The following ZFAND4 variants were observed in gnomAD, a reference collection of about 807,000 sequenced individuals.
The protein encoded by ZFAND4 is AN1-type zinc finger protein 4.
Under a neutral mutation model 64.4 loss-of-function variants are expected in ZFAND4, and 43 were observed. That is an observed-to-expected ratio of 0.67 (90% CI 0.52 to 0.86). The LOEUF (loss-of-function observed/expected upper bound fraction) is 0.86. ZFAND4 is among the 40% of genes least tolerant of loss of function. ZFAND4 has a pLI of 0.00. For synonymous variants in ZFAND4, 296 were observed against 305.7 expected (o/e 0.97, Z 0.33); for missense variants, 929 against 859.8 (o/e 1.08, Z -1.01).
chr10:45,617,346 T>G (rs898160679), intron 9 of ZFAND4, among the ~76,000 whole-genome samples: 1 of 151,996 alleles, frequency 6.6e-6, no homozygotes, highest in African/African-American at 2.4e-5. Context: ...GGGATTGGGA[T>G]GGGTGTGGTG....
rs534725322 is a variant in ZFAND4 at position 45,616,189 on chromosome 10, C to T, written c.*247G>A. The T allele has an allele frequency of 4.1e-5, 19 of 464,010 alleles. 1 individual carries two copies. The highest frequency in any genetic ancestry group is 7.2e-5 in the Non-Finnish European group (19 of 263,276). 28.7% of individuals were successfully genotyped at this position (464,010 alleles called of 1,614,324 possible). ...AATATCATATACAAAACACTTAACA[C>T]AAGACATGCAATAACAAAGCTAAAT... On this transcript the variant is annotated 3_prime_UTR_variant, in exon 10 of 10. Coordinates refer to ENST00000344646, the MANE Select transcript of ZFAND4 (RefSeq NM_174890.4).
chr10:45,624,941 G>A (rs1049699867), intron 7 of ZFAND4, among the ~76,000 whole-genome samples: 5 of 152,082 alleles, frequency 3.3e-5, no homozygotes, highest in East Asian at 1.9e-4. Context: ...TGGCTGCAGC[G>A]AGCTGTGATT....
Position 45,652,020 on chromosome 10 carries a change from A to G in ZFAND4, c.274T>C (p.Cys92Arg), listed in dbSNP as rs1271910115. 1 of 1,613,710 alleles carries G rather than the reference A, an allele frequency of 6.2e-7. No homozygotes were observed. The highest frequency in any genetic ancestry group is 1.3e-5 in the African/African-American group (1 of 74,916). Residue 92 changes from cysteine to arginine, a missense_variant, in exon 4 of 10, where the codon TGT (cysteine) becomes CGT (arginine). By Grantham distance (180) the Cys-to-Arg change is radical (BLOSUM62 -3). Transcript: ENST00000344646. ...CLNDYNISEG[C>R]TLKLVLAMRG... ...ATAGCCAAAACTAGCTTCAAGGTAC[A>G]CCCTTCTGAAATGCTGTGGATAGTT...
Position 45,626,004 on chromosome 10 carries a change from C to T in ZFAND4, c.1819G>A (p.Glu607Lys), listed in dbSNP as rs2045791851. The change falls in exon 7 of 10, where the codon GAA (glutamate) becomes AAA (lysine). Residue 607 changes from glutamate to lysine, a missense_variant. Transcript: ENST00000344646. ...GLSTNLQHFQ[E>K]ENFRKSSPQL... ...GGAGAACTTTTCCTAAAGTTTTCTTCCTGAAAATGCTGGAGGTTTGTAGAC... is the reference window on the plus strand; with the variant it reads ...GGAGAACTTTTCCTAAAGTTTTCTTTCTGAAAATGCTGGAGGTTTGTAGAC... 1.2e-6 allele frequency: 2 copies of T among 1,614,124 alleles called. No individual in the cohort carries two copies. Among genetic ancestry groups the T allele is most frequent in the Non-Finnish European group, 1.7e-6 (2 of 1,180,028 alleles).
chr10:45,664,411 G>A (rs2048673590), intron 1 of ZFAND4, among the ~76,000 whole-genome samples: 1 of 151,684 alleles, frequency 6.6e-6, no homozygotes, highest in Non-Finnish European at 1.5e-5. Context: ...TGGGATTACA[G>A]GCACCCACCA....
intron 5 of ZFAND4, 109 bp from the exon 6 acceptor site, chr10:45,640,072 C>T (rs2046881344): frequency 2.2e-6 from 3 of 1,352,808 alleles, no homozygotes; most frequent in Admixed American, 5.1e-5. Context: ...TAAAACACTA[C>T]ATCCATTTTG....
Position 45,616,299 on chromosome 10 carries a change from T to C in ZFAND4, c.*137A>G. On this transcript the variant is annotated 3_prime_UTR_variant, in exon 10 of 10. Coordinates refer to ENST00000344646, the MANE Select transcript of ZFAND4 (RefSeq NM_174890.4). ...GATGTAAAATACAGTAGCATTCTTG[T>C]TCTCCAACAGTATGCATTGTATGCT... 8.6e-7 allele frequency: 1 copy of C among 1,165,534 alleles called. No homozygotes were observed. The highest frequency in any genetic ancestry group is 1.2e-6 in the Non-Finnish European group (1 of 838,254). The allele number at this position is 1,165,534 out of a possible 1,614,324, so 72.2% of individuals were successfully genotyped here.
chr10:45,646,332 T>C (rs1290414494), intron 5 of ZFAND4, among the ~76,000 whole-genome samples: 1 of 152,160 alleles, frequency 6.6e-6, no homozygotes, highest in East Asian at 1.9e-4. Flanking sequence ...ACAGAAGAAG[T>C]TTGCTACCCC....
At chr10:45,659,054 A>G (rs2048312156) in intron 2 of ZFAND4, among the ~76,000 whole-genome samples, 1 of 152,250 alleles carries the variant, frequency 6.6e-6, no homozygotes, top group South Asian at 2.1e-4. Flanking sequence ...ATAAACTGGA[A>G]GGAACACTTG....
At chr10:45,639,704 C>A in intron 6 of ZFAND4, 112 bp downstream of exon 6, 1 of 1,337,812 alleles carries the variant, frequency 7.5e-7, no homozygotes, top group Non-Finnish European at 9.9e-7. Flanking sequence ...AGGCCAGAAA[C>A]CTGAAATGAA....
intron 5 of ZFAND4, 149 bp downstream of exon 5, chr10:45,648,144 TA>T: frequency 5.5e-6 from 4 of 731,584 alleles, no homozygotes; most frequent in Non-Finnish European, 8.0e-6. Context: ...CATCCCACTC[TA>T]AAAAAACCTC....
At chr10:45,631,382 A>C (rs890816461) in intron 6 of ZFAND4, among the ~76,000 whole-genome samples, 33 of 150,400 alleles carry the variant, frequency 2.2e-4, no homozygotes, top group East Asian at 3.9e-4. Context: ...AAAAAAAAAA[A>C]CATATAAATT....
Position 45,626,581 on chromosome 10 carries a change from G to A in ZFAND4, c.1242C>T (p.Ser414=), listed in dbSNP as rs781256881. 37 of 1,613,996 alleles carry A rather than the reference G, an allele frequency of 2.3e-5. No individual in the cohort carries two copies. The highest frequency in any genetic ancestry group is 4.4e-5 in the South Asian group (4 of 91,080). Reference sequence around the variant, plus strand: ...TCACTTTGCACGCACCTTCTAAGCCGCTGCTCTGTTCATCAGCATTTCCTT... The same window carrying A: ...TCACTTTGCACGCACCTTCTAAGCCACTGCTCTGTTCATCAGCATTTCCTT... ...FAEGNADEQS[S]GLEGACKVNL... The change falls in exon 7 of 10, where the codon AGC becomes AGT. Residue 414 remains serine, a synonymous_variant. Coordinates refer to ENST00000344646, the MANE Select transcript of ZFAND4 (RefSeq NM_174890.4).
chr10:45,632,598 G>A (rs907606012), intron 6 of ZFAND4, among the ~76,000 whole-genome samples: 3 of 152,032 alleles, frequency 2.0e-5, no homozygotes, highest in Non-Finnish European at 4.4e-5. Context: ...TAAGGAAAAG[G>A]CAGATCAAGA....
Position 45,663,754 on chromosome 10 carries a change from T to C in ZFAND4, c.-29A>G, listed in dbSNP as rs1393688104. The C allele has an allele frequency of 6.4e-7, 1 of 1,559,748 alleles. No individual in the cohort carries two copies. Among genetic ancestry groups the C allele is most frequent in the Non-Finnish European group, 8.6e-7 (1 of 1,157,210 alleles). ...TTTGACTTTTCTAGTTCTTCTAAAA[T>C]ATGTCGCAGGCAACTGTATTCCAGT... On this transcript the variant is annotated 5_prime_UTR_variant, in exon 2 of 10. It adds an upstream start codon to the 5' untranslated region. Coordinates refer to ENST00000344646, the MANE Select transcript of ZFAND4 (RefSeq NM_174890.4).
chr10:45,631,428 TTA>T (rs1270792134), intron 6 of ZFAND4, among the ~76,000 whole-genome samples: 1 of 151,686 alleles, frequency 6.6e-6, no homozygotes, highest in Non-Finnish European at 1.5e-5. Flanking sequence ...ACTTGAATCT[TTA>T]TGTTAAAAAG....
chr10:45,626,619 C>G lies in ZFAND4; in HGVS notation c.1204G>C (p.Ala402Pro). 6.2e-7 allele frequency: 1 copy of G among 1,614,188 alleles called. No homozygotes were observed. Among genetic ancestry groups the G allele is most frequent in the Non-Finnish European group, 8.5e-7 (1 of 1,180,034 alleles). The change falls in exon 7 of 10, where the codon GCT becomes CCT. Residue 402 changes from alanine to proline, a missense_variant. Physicochemically the swap from Ala to Pro is conservative, Grantham distance 27. Transcript: ENST00000344646. ...QSLLPKVGSL[A>P]SFAEGNADEQ... is the part of the protein sequence containing the mutation. ...TCAGCATTTCCTTCTGCAAATGAAG[C>G]CAGTGAGCCCACTTTAGGTAGAAGT...
chr10:45,616,375 A>G lies in ZFAND4; in HGVS notation c.*61T>C. 3.2e-6 allele frequency: 5 copies of G among 1,585,908 alleles called. No homozygotes were observed. The highest frequency in any genetic ancestry group is 1.7e-6 in the Non-Finnish European group (2 of 1,167,256). On this transcript the variant is annotated 3_prime_UTR_variant, in exon 10 of 10. Transcript: ENST00000344646. Reference sequence around the variant, plus strand: ...GTCGAACAAAAATAATAGTCTAAACAACATTTCTTCTGTCATTATAATACG... The same window carrying G: ...GTCGAACAAAAATAATAGTCTAAACGACATTTCTTCTGTCATTATAATACG...
chr10:45,625,297 C>T (rs2045721994), intron 7 of ZFAND4, among the ~76,000 whole-genome samples: 1 of 149,504 alleles, frequency 6.7e-6, no homozygotes, highest in Admixed American at 6.8e-5. Context: ...ACGGTGAAAC[C>T]CCATCTCTAC....
Sources: gnomAD v4.1 joint callset for allele counts (sites outside exome capture counted in the v4.1 genomes callset) on GRCh38, gnomAD v4.1.1 for gene constraint, MANE v1.5 for transcripts, NCBI Gene and HGNC (gene_info 2026-07-23, HGNC 2026-07-21) for gene names.